The following LRIG1 variants were observed in gnomAD, a reference collection of about 807,000 sequenced individuals.
LRIG1 encodes leucine-rich repeats and immunoglobulin-like domains protein 1.
LRIG1 carries 48 observed loss-of-function variants against 99.2 expected under a neutral mutation model. That is an observed-to-expected ratio of 0.48 (90% CI 0.38 to 0.62). The LOEUF (loss-of-function observed/expected upper bound fraction) is 0.62, where lower values mean the gene tolerates loss of function less well. Among genes scored for constraint, LRIG1 ranks in the 20% least tolerant of loss-of-function variants. LRIG1 has a pLI of 0.00. For missense variants in LRIG1, 1,646 were observed against 1,434.4 expected (o/e 1.15, Z -2.38); for synonymous variants, 772 against 596.1 (o/e 1.29, Z -4.30).
chr3:66,388,497 A>G (rs1311934955), intron 12 of LRIG1, among the ~76,000 whole-genome samples: 2 of 152,250 alleles, frequency 1.3e-5, no homozygotes, highest in African/African-American at 4.8e-5. Context: ...GCAGCCACAC[A>G]TCCAAGAATC....
chr3:66,453,576 A>G (rs1378484439), intron 2 of LRIG1, among the ~76,000 whole-genome samples: 1 of 152,178 alleles, frequency 6.6e-6, no homozygotes, highest in Non-Finnish European at 1.5e-5. Flanking sequence ...CCATCACAAC[A>G]ACTTTGAATC....
chr3:66,475,219 C>T (rs1318210090), intron 1 of LRIG1, among the ~76,000 whole-genome samples: 1 of 152,228 alleles, frequency 6.6e-6, no homozygotes, highest in Non-Finnish European at 1.5e-5. Context: ...GTCAAAGTCT[C>T]TGCCTAGCCT....
At chr3:66,483,307 G>C (rs1012732096) in intron 1 of LRIG1, among the ~76,000 whole-genome samples, 7 of 152,230 alleles carry the variant, frequency 4.6e-5, no homozygotes, top group Non-Finnish European at 1.5e-5. Flanking sequence ...TGGAGATCCT[G>C]CGTGTCTGAG....
rs748599644 is a variant in LRIG1, at chr3:66,383,356, A to G, written c.2117T>C (p.Val706Ala). The change falls in exon 15 of 19, where the codon GTG becomes GCG. Residue 706 changes from valine (V) to alanine (A), a missense_variant. By Grantham distance (64) the Val-to-Ala change is moderately conservative. Transcript: ENST00000273261. ...VVPLEDRVVSVGETVALQCKA... is the reference protein window; with the variant it reads ...VVPLEDRVVSAGETVALQCKA... ...GCATTGGAGGGCCACTGTTTCTCCC[A>G]CAGATACCACACGGTCTTCCAAGGG... The G allele has an allele frequency of 1.3e-6, 2 of 1,585,246 alleles. No homozygotes were observed. Among genetic ancestry groups the G allele is most frequent in the African/African-American group, 1.3e-5 (1 of 74,574 alleles).
At chr3:66,436,484 T>A (rs1337446655) in intron 3 of LRIG1, among the ~76,000 whole-genome samples, 1 of 152,196 alleles carries the variant, frequency 6.6e-6, no homozygotes, top group Non-Finnish European at 1.5e-5. Context: ...AAAATCCTTT[T>A]CATGAAACGA....
chr3:66,459,758 G>T (rs1700314723), intron 2 of LRIG1, among the ~76,000 whole-genome samples: 1 of 152,144 alleles, frequency 6.6e-6, no homozygotes, highest in Non-Finnish European at 1.5e-5. Flanking sequence ...TTAAGGGACA[G>T]CCAAAAACCC....
intron 9 of LRIG1, chr3:66,401,640 G>C (rs967493765): frequency 4.6e-6 from 7 of 1,530,978 alleles, no homozygotes; most frequent in Non-Finnish European, 6.1e-6. Flanking sequence ...GGCTGGGACG[G>C]GGAGCTGCAG....
At chr3:66,458,856 A>C (rs1256644944) in intron 2 of LRIG1, among the ~76,000 whole-genome samples, 1 of 152,126 alleles carries the variant, frequency 6.6e-6, no homozygotes, top group Admixed American at 6.5e-5. Flanking sequence ...ATCTCTATCT[A>C]AAATATAAAA....
intron 13 of LRIG1, 90 bp downstream of exon 13, chr3:66,385,891 C>T (rs998988746): frequency 2.8e-5 from 33 of 1,185,902 alleles, no homozygotes; most frequent in South Asian, 2.8e-4. Context: ...TGTGTCCTGT[C>T]TCAGTCATCT....
chr3:66,395,955 G>A (rs980266664), intron 11 of LRIG1, among the ~76,000 whole-genome samples: 2 of 152,170 alleles, frequency 1.3e-5, no homozygotes, highest in African/African-American at 2.4e-5. Flanking sequence ...ATCCCTGTGC[G>A]ACGTTAAGCA....
intron 1 of LRIG1, 129 bp downstream of exon 1, chr3:66,500,061 C>T (rs1318875450): frequency 1.9e-5 from 13 of 670,718 alleles, no homozygotes; most frequent in South Asian, 1.5e-4. Context: ...TCTTCCAACA[C>T]GCACAAGCAC....
At chr3:66,391,068 C>T (rs1084646) in intron 12 of LRIG1, among the ~76,000 whole-genome samples, 11,145 of 152,100 alleles carry the variant, frequency 0.073, 554 homozygotes, top group African/African-American at 0.14. Flanking sequence ...ACATGCCTAA[C>T]ATCATTAATC....
chr3:66,384,639 T>C (rs1399425726), intron 13 of LRIG1, among the ~76,000 whole-genome samples: 1 of 151,694 alleles, frequency 6.6e-6, no homozygotes, highest in South Asian at 2.1e-4. Flanking sequence ...GGAGATGGAA[T>C]TACAGAGGGA....
chr3:66,402,444 T>G (rs1049427467), intron 9 of LRIG1, among the ~76,000 whole-genome samples: 1 of 152,058 alleles, frequency 6.6e-6, no homozygotes, highest in African/African-American at 2.4e-5. Flanking sequence ...GCTGGAAAAA[T>G]TAAGGGCAGG....
intron 3 of LRIG1, among the ~76,000 whole-genome samples, chr3:66,444,824 G>A (rs889336194): frequency 1.3e-5 from 2 of 151,860 alleles, no homozygotes; most frequent in African/African-American, 4.8e-5. Flanking sequence ...GGAAGGAAGT[G>A]AACACATCTT....
chr3:66,457,020 G>A (rs4402869), intron 2 of LRIG1, among the ~76,000 whole-genome samples: 51,574 of 151,860 alleles, frequency 0.34, 10,367 homozygotes, highest in Middle Eastern at 0.47. Flanking sequence ...GCGTCCTCAT[G>A]TCCTCCAGGG....
chr3:66,488,131 C>T (rs953338205), intron 1 of LRIG1, among the ~76,000 whole-genome samples: 3 of 152,018 alleles, frequency 2.0e-5, no homozygotes, highest in East Asian at 1.9e-4. Flanking sequence ...AATTCCACGT[C>T]GAAGAAAAGT....
intron 13 of LRIG1, among the ~76,000 whole-genome samples, chr3:66,385,335 A>G (rs1475088545): frequency 6.6e-6 from 1 of 152,246 alleles, no homozygotes; most frequent in African/African-American, 2.4e-5. Context: ...ATCTACTCAA[A>G]GAACAGCAGC....
intron 2 of LRIG1, among the ~76,000 whole-genome samples, chr3:66,456,572 TAAAAA>T (rs35291779): frequency 8.2e-6 from 1 of 121,716 alleles, no homozygotes; most frequent in African/African-American, 3.1e-5. Context: ...GATCCTGTCT[TAAAAA>T]AAAAAAAAAA....
Sources: allele counts gnomAD v4.1 joint callset (sites outside exome capture counted in the v4.1 genomes callset), GRCh38; gene constraint gnomAD v4.1.1; transcripts MANE v1.5; gene names NCBI Gene and HGNC (gene_info 2026-07-23, HGNC 2026-07-21).